GLT8D2: variants seen among roughly 807,000 people sequenced by gnomAD.
GLT8D2 encodes glycosyltransferase 8 domain containing 2, also known as glycosyltransferase 8 domain-containing protein 2.
GLT8D2 carries 45 observed loss-of-function variants against 44.5 expected under a neutral mutation model. That is an observed-to-expected ratio of 1.01 (90% CI 0.80 to 1.30). GLT8D2 has a LOEUF of 1.30. GLT8D2 is among the 50% of genes most tolerant of loss of function. The pLI, the probability that GLT8D2 is intolerant of heterozygous loss-of-function variation, is 0.00. For synonymous variants in GLT8D2, 156 were observed against 157.2 expected, an observed-to-expected ratio of 0.99 and a Z score of 0.06; for missense variants, 400 against 430.4, an observed-to-expected ratio of 0.93 and a Z score of 0.62.
At chr12:104,016,826 A>AAAAGAGAGAAAG (rs1876853435) in intron 3 of GLT8D2, among the ~76,000 whole-genome samples, 1 of 72,498 alleles carries the variant, frequency 1.4e-5, no homozygotes, top group Non-Finnish European at 2.6e-5. Context: ...AAAGAGAAAG[A>AAAAGAGAGAAAG]AAAGAAAGAA....
intron 1 of GLT8D2, among the ~76,000 whole-genome samples, chr12:104,027,819 G>A (rs1878763114): frequency 6.6e-6 from 1 of 152,168 alleles, no homozygotes; most frequent in African/African-American, 2.4e-5. Context: ...AAAAATTAGA[G>A]CTCTCTGACT....
At chr12:104,036,002 G>C (rs1161696500) in intron 1 of GLT8D2, among the ~76,000 whole-genome samples, 1 of 152,162 alleles carries the variant, frequency 6.6e-6, no homozygotes, top group Admixed American at 6.5e-5. Context: ...AGAAGAGAGT[G>C]GGGGGCAATA....
At chr12:104,060,498 C>T (rs1882549579) in intron 1 of GLT8D2, among the ~76,000 whole-genome samples, 2 of 152,170 alleles carry the variant, frequency 1.3e-5, no homozygotes, top group Non-Finnish European at 2.9e-5. Flanking sequence ...CCCCAAAAGA[C>T]ATGCTGAAGC....
At chr12:104,049,122 A>G (rs1389577209) in intron 1 of GLT8D2, among the ~76,000 whole-genome samples, 1 of 152,238 alleles carries the variant, frequency 6.6e-6, no homozygotes, top group Non-Finnish European at 1.5e-5. Flanking sequence ...GGAAAAGACA[A>G]AAACCAACCA....
rs556214401 is a variant in GLT8D2, at chr12:103,989,244, A to G, written c.*164T>C. The G allele has an allele frequency of 3.8e-5, 19 of 494,720 alleles. No individual in the cohort carries two copies. The highest frequency in any genetic ancestry group is 5.3e-4 in the Middle Eastern group (1 of 1,876). 30.6% of individuals were successfully genotyped at this position (494,720 alleles called of 1,614,324 possible). The stretch of plus-strand genomic sequence containing the variant: ...CACATGTACTTAAAGAAGTTAATCA[A>G]TGCCTATATGGTCCAAGGTATAATT... On this transcript the variant is annotated 3_prime_UTR_variant, in exon 11 of 11. Coordinates refer to ENST00000360814, the MANE Select transcript of GLT8D2 (RefSeq NM_001384711.1).
intron 9 of GLT8D2, 106 bp from the exon 10 acceptor site, chr12:103,993,610 C>T (rs1178997216): frequency 1.6e-5 from 11 of 709,520 alleles, no homozygotes; most frequent in Middle Eastern, 5.2e-4. Context: ...TCACTATGTA[C>T]TAAGACTTAT....
intron 1 of GLT8D2, among the ~76,000 whole-genome samples, chr12:104,026,202 C>T (rs992975643): frequency 2.0e-5 from 3 of 151,338 alleles, no homozygotes; most frequent in Admixed American, 6.6e-5. Flanking sequence ...TCACTTGAAC[C>T]TGCGAGAAGG....
chr12:104,059,753 T>C (rs1350037110), intron 1 of GLT8D2, among the ~76,000 whole-genome samples: 1 of 152,076 alleles, frequency 6.6e-6, no homozygotes, highest in Non-Finnish European at 1.5e-5. Flanking sequence ...CCAGCCTCAA[T>C]AATGAGAGGC....
intron 1 of GLT8D2, among the ~76,000 whole-genome samples, chr12:104,021,935 AGAAGAAGAAGAAGAAGAAGAG>A (rs1357968188): frequency 0.019 from 440 of 22,948 alleles, 27 homozygotes; most frequent in East Asian, 0.031. Flanking sequence ...AAGAAGAAGA[AGAAGAAGAAGAAGAAGAAGAG>A]GAAGAAGAGG....
In GLT8D2 at chr12:104,021,915, GAAGAAGAAGAAGAAGAAGAAGAAGAAGAA is replaced by G. The variant is rs1593550302; in HGVS notation, c.-163-453_-163-425del. ...AGAAGAAGAAGAAGAAGAAGAAGAA[GAAGAAGAAGAAGAAGAAGAAGAAGAAGAA>G]GAAGAAGAAGAGGAAGAAGAGGAAG... On this transcript the variant is annotated intron_variant, in intron 1 of 10. Coordinates refer to ENST00000360814, the MANE Select transcript of GLT8D2 (RefSeq NM_001384711.1). Among the ~76,000 whole-genome samples the G allele has an allele frequency of 6.3e-4, 12 of 18,910 alleles. No homozygotes were observed. The East Asian group carries it at 0.013, about 21-fold the overall frequency. The allele number at this position is 18,910 out of a possible 152,430, so 12.4% of individuals were successfully genotyped here. A position where few individuals can be genotyped will look rare whatever the true frequency, so the allele number is the denominator to read the frequency against.
intron 8 of GLT8D2, among the ~76,000 whole-genome samples, chr12:103,996,382 C>A (rs1339180424): frequency 6.6e-6 from 1 of 152,198 alleles, no homozygotes; most frequent in East Asian, 1.9e-4. Flanking sequence ...TGATGAGCAA[C>A]CTAGGTAACA....
chr12:103,995,017 T>G (rs1000993757), intron 8 of GLT8D2, among the ~76,000 whole-genome samples: 12 of 152,134 alleles, frequency 7.9e-5, no homozygotes, highest in Non-Finnish European at 1.3e-4. Context: ...TTTTTCTCAC[T>G]CTCTTCTCAT....
At chr12:104,012,332 G>T (rs1875972808) in intron 4 of GLT8D2, among the ~76,000 whole-genome samples, 1 of 151,902 alleles carries the variant, frequency 6.6e-6, no homozygotes, top group South Asian at 2.1e-4. Flanking sequence ...ACATTCGTTT[G>T]AATGGTATTT....
In GLT8D2 at chr12:103,994,393, C is replaced by A. The variant is rs1183816602; in HGVS notation, c.709G>T (p.Glu237Ter). The A allele has an allele frequency of 6.2e-7, 1 of 1,613,936 alleles. No individual in the cohort carries two copies. The highest frequency in any genetic ancestry group is 8.5e-7 in the Non-Finnish European group (1 of 1,179,988). Residue 237 changes from glutamate to a stop codon, truncating the protein, a stop_gained, in exon 9 of 11, where the codon GAA becomes TAA. Coordinates refer to ENST00000360814, the MANE Select transcript of GLT8D2 (RefSeq NM_001384711.1). LOFTEE classifies it high-confidence loss of function. The part of the protein sequence containing the change: ...NPGVIVANMT[E>*]WKHQRITKQL... ...TTGGTGATGCGCTGGTGCTTCCATT[C>A]TGTCATGTTGGCAACAATCACACCA...
At chr12:103,994,303 A>C (rs1374015891) in intron 9 of GLT8D2, 32 bp downstream of exon 9, 1 of 1,562,094 alleles carries the variant, frequency 6.4e-7, no homozygotes, top group Non-Finnish European at 8.7e-7. Context: ...GTTTCCAAGC[A>C]TGGAAAAAAT....
intron 4 of GLT8D2, among the ~76,000 whole-genome samples, chr12:104,010,950 T>C (rs1161662419): frequency 6.6e-6 from 1 of 152,034 alleles, no homozygotes; most frequent in Non-Finnish European, 1.5e-5. Context: ...AAGCACAAGG[T>C]AAAAGGAAAG....
At chr12:104,052,045 T>G (rs1249237821), upstream of GLT8D2, among the ~76,000 whole-genome samples, 1 of 152,038 alleles carries the variant, frequency 6.6e-6, no homozygotes, top group East Asian at 1.9e-4. Flanking sequence ...AATTCACGAG[T>G]CCAGGTTGGT....
At chr12:104,037,240 C>T (rs888688885) in intron 1 of GLT8D2, among the ~76,000 whole-genome samples, 11 of 152,146 alleles carry the variant, frequency 7.2e-5, no homozygotes, top group Non-Finnish European at 1.6e-4. Flanking sequence ...ACCCTAACAT[C>T]ACAATTAAAA....
chr12:104,039,175 C>G (rs1195651006), intron 1 of GLT8D2, among the ~76,000 whole-genome samples: 1 of 152,074 alleles, frequency 6.6e-6, no homozygotes, highest in Admixed American at 6.6e-5. Context: ...AATGTTAGAC[C>G]TAAAACCATA....
Sources: gnomAD v4.1 joint callset for allele counts (sites outside exome capture counted in the v4.1 genomes callset) on GRCh38, gnomAD v4.1.1 for gene constraint, MANE v1.5 for transcripts, NCBI Gene and HGNC (gene_info 2026-07-23, HGNC 2026-07-21) for gene names.